MAP3K5: variants seen among roughly 807,000 people sequenced by gnomAD.
MAP3K5 encodes the protein ASK-1.
In MAP3K5, 56 loss-of-function variants were observed where a neutral mutation model predicts 158.7. The observed-to-expected ratio is 0.35, with a 90% CI of 0.28 to 0.44. MAP3K5 has a LOEUF of 0.44. Ranked by LOEUF, MAP3K5 falls within the 20% of genes least tolerant of loss-of-function variation. MAP3K5 has a pLI of 1.00. For missense variants in MAP3K5, 1,294 were observed against 1,674.8 expected (o/e 0.77, Z 3.97); for synonymous variants, 579 against 601.7 (o/e 0.96, Z 0.55).
intron 21 of MAP3K5, among the ~76,000 whole-genome samples, chr6:136,593,222 A>G (rs1363174569): frequency 6.6e-6 from 1 of 152,256 alleles, no homozygotes; most frequent in Non-Finnish European, 1.5e-5. Flanking sequence ...ATGATCTCTT[A>G]GGTCTGTCCT....
intron 1 of MAP3K5, among the ~76,000 whole-genome samples, chr6:136,739,391 A>G (rs1271225699): frequency 6.6e-6 from 1 of 152,186 alleles, no homozygotes; most frequent in African/African-American, 2.4e-5. Flanking sequence ...AAAGGGCTTA[A>G]CAACAAAGAG....
rs569001420 is a variant in MAP3K5, at chr6:136,758,346, C to T, written c.448+33364G>A. On this transcript the variant is annotated intron_variant, in intron 1 of 29. Transcript: ENST00000359015. ...CTAATTTTTATCCTTTAAGATGTTC[C>T]CATGATAGAATTTTTAGTCTCATAA... 2.6e-5 allele frequency among the ~76,000 whole-genome samples: 4 copies of T among 152,244 alleles called. No individual in the cohort carries two copies. In the South Asian group the frequency reaches 8.3e-4, roughly 32 times the overall value.
rs139039469 is a variant in MAP3K5, at chr6:136,559,648, C to A, written c.3988-772G>T. ...TAAGCAAAGGCACTTGACTGTAATT[C>A]ACCATAAAAGCAGAGTCTTAATTTA... On this transcript the variant is annotated intron_variant, in intron 28 of 29. Coordinates refer to ENST00000359015, the MANE Select transcript of MAP3K5 (RefSeq NM_005923.4). Among the ~76,000 whole-genome samples, 449 of 152,292 alleles carry A rather than the reference C, an allele frequency of 2.9e-3. 5 individuals carry two copies. Among genetic ancestry groups the A allele is most frequent in the African/African-American group, 0.01 (431 of 41,566 alleles).
chr6:136,645,834 TGA>T (rs1778227698), intron 11 of MAP3K5, among the ~76,000 whole-genome samples: 1 of 152,102 alleles, frequency 6.6e-6, no homozygotes, highest in Admixed American at 6.6e-5. Flanking sequence ...ATAAAAATAG[TGA>T]GAGGAGTGAC....
chr6:136,701,389 C>T (rs993287802), intron 3 of MAP3K5, among the ~76,000 whole-genome samples: 1 of 152,192 alleles, frequency 6.6e-6, no homozygotes, highest in Non-Finnish European at 1.5e-5. Context: ...AAGCAGAAAC[C>T]AAACCTCACT....
intron 2 of MAP3K5, among the ~76,000 whole-genome samples, chr6:136,706,653 G>A (rs144231915): frequency 3.9e-5 from 6 of 152,294 alleles, no homozygotes; most frequent in Non-Finnish European, 8.8e-5. Flanking sequence ...GTGGCCAGGC[G>A]AGGCCCGGCT....
chr6:136,642,172 A>G (rs1428698833), intron 12 of MAP3K5, among the ~76,000 whole-genome samples: 1 of 152,136 alleles, frequency 6.6e-6, no homozygotes, highest in East Asian at 1.9e-4. Flanking sequence ...CTTGTATACC[A>G]AAAGGACAGA....
intron 21 of MAP3K5, 78 bp from the exon 22 acceptor site, chr6:136,592,692 G>T: frequency 8.4e-7 from 1 of 1,195,816 alleles, no homozygotes; most frequent in Non-Finnish European, 1.2e-6. Flanking sequence ...ATTGAAAGAG[G>T]CCATATTCTT....
chr6:136,728,023 C>T (rs531875191), intron 1 of MAP3K5, among the ~76,000 whole-genome samples: 1 of 151,622 alleles, frequency 6.6e-6, no homozygotes, highest in South Asian at 2.1e-4. Context: ...GACAAAGACA[C>T]AAAAATCTCC....
intron 7 of MAP3K5, among the ~76,000 whole-genome samples, chr6:136,693,204 C>T (rs1780464617): frequency 6.6e-6 from 1 of 152,198 alleles, no homozygotes; most frequent in Non-Finnish European, 1.5e-5. Context: ...GCTGATTCTG[C>T]CATAAATCTA....
Position 136,637,377 on chromosome 6 carries a change from T to A in MAP3K5, c.1964A>T (p.Glu655Val), listed in dbSNP as rs375252410. The A allele has an allele frequency of 4.0e-5, 64 of 1,611,186 alleles. No individual in the cohort carries two copies. Among genetic ancestry groups the A allele is most frequent in the Non-Finnish European group, 5.2e-5 (61 of 1,177,446 alleles). Residue 655 changes from glutamate (E) to valine (V), a missense_variant, in exon 14 of 30, where the codon GAA becomes GTA. This residue lies in a region of MAP3K5 where 690 missense variants were observed against 870.5 expected (regional missense o/e 0.79). Transcript: ENST00000359015. The stretch of plus-strand genomic sequence containing the variant: ...TTCCTCTGTGCTTCTCCCCTTCTCT[T>A]CGGTAATGGTGTTCACCATCTCAAA... ...KFFEMVNTIT[E>V]EKGRSTEEGD...
intron 1 of MAP3K5, among the ~76,000 whole-genome samples, chr6:136,765,437 C>T (rs1259390549): frequency 6.6e-6 from 1 of 152,154 alleles, no homozygotes; most frequent in African/African-American, 2.4e-5. Flanking sequence ...ACTGGAACTA[C>T]AGGCAAACAC....
chr6:136,621,807 C>T (rs1776815121), intron 15 of MAP3K5, among the ~76,000 whole-genome samples: 1 of 152,206 alleles, frequency 6.6e-6, no homozygotes, highest in South Asian at 2.1e-4. Context: ...GGTGACTTTG[C>T]CGGGCATGGT....
At chr6:136,749,201 C>T (rs888825031) in intron 1 of MAP3K5, among the ~76,000 whole-genome samples, 14 of 151,828 alleles carry the variant, frequency 9.2e-5, no homozygotes, top group African/African-American at 3.4e-4. Flanking sequence ...GGTGAAACCC[C>T]ATCTCTACTA....
chr6:136,582,308 G>C (rs1475629211), intron 24 of MAP3K5, among the ~76,000 whole-genome samples: 1 of 137,732 alleles, frequency 7.3e-6, no homozygotes, highest in Non-Finnish European at 1.6e-5. Flanking sequence ...GTGTGTGTGT[G>C]TCTGACCTGG....
At chr6:136,711,709 T>C (rs1374608637) in intron 2 of MAP3K5, among the ~76,000 whole-genome samples, 1 of 151,044 alleles carries the variant, frequency 6.6e-6, no homozygotes, top group Non-Finnish European at 1.5e-5. Context: ...AAAAAGAAAA[T>C]ACCTTCTATC....
chr6:136,599,867 C>G (rs1255293940), intron 21 of MAP3K5, among the ~76,000 whole-genome samples: 2 of 152,110 alleles, frequency 1.3e-5, no homozygotes, highest in Non-Finnish European at 2.9e-5. Flanking sequence ...ACTGCAGGGC[C>G]GACTTTGTGA....
At chr6:136,642,149 G>A (rs1778008398) in intron 12 of MAP3K5, among the ~76,000 whole-genome samples, 2 of 151,884 alleles carry the variant, frequency 1.3e-5, no homozygotes, top group African/African-American at 4.8e-5. Context: ...TCCACACAAA[G>A]GGAGCTGAGT....
intron 26 of MAP3K5, among the ~76,000 whole-genome samples, chr6:136,566,908 T>C (rs1203821059): frequency 6.6e-6 from 1 of 152,218 alleles, no homozygotes; most frequent in Non-Finnish European, 1.5e-5. Context: ...GAACAACTTT[T>C]ATTGATTCGC....
Sources: allele counts gnomAD v4.1 joint callset (sites outside exome capture counted in the v4.1 genomes callset), GRCh38; gene constraint gnomAD v4.1.1; regional missense constraint gnomAD v4.1.1; transcripts MANE v1.5; gene names NCBI Gene and HGNC (gene_info 2026-07-23, HGNC 2026-07-21).